Variants in PCDHGA12 observed in about 807,000 individuals in gnomAD.
PCDHGA12 encodes the protein protocadherin gamma subfamily A, 12.
In PCDHGA12, 43 loss-of-function variants were observed where a neutral mutation model predicts 61.1. The observed-to-expected ratio is 0.70, with a 90% CI of 0.55 to 0.91. The LOEUF (loss-of-function observed/expected upper bound fraction) is 0.91, where lower values mean the gene tolerates loss of function less well. Among genes scored for constraint, PCDHGA12 ranks in the 40% least tolerant of loss-of-function variants. The pLI, the probability that PCDHGA12 is intolerant of heterozygous loss-of-function variation, is 0.00. For synonymous variants in PCDHGA12, 520 were observed against 542.9 expected, an observed-to-expected ratio of 0.96 and a Z score of 0.59; for missense variants, 1,236 against 1,227.7, an observed-to-expected ratio of 1.01 and a Z score of -0.10.
In PCDHGA12 at chr5:141,487,762, T is replaced by C; in HGVS notation, c.2425-7045T>C. 6.5e-7 allele frequency: 1 copy of C among 1,545,432 alleles called. No homozygotes were observed. The highest frequency in any genetic ancestry group is 8.8e-7 in the Non-Finnish European group (1 of 1,142,332). ...TAAGAGGTAACTATGTGGTAGACGC[T>C]GTGCTTTGTAACTGTTTCGTGAATT... On this transcript the variant is annotated intron_variant, in intron 1 of 3. Coordinates refer to ENST00000252085, the MANE Select transcript of PCDHGA12 (RefSeq NM_003735.3). The surrounding 1 kb of genome is among the most constrained non-coding windows in gnomAD (Gnocchi z 5.0).
In PCDHGA12 at chr5:141,486,070, T is replaced by G; in HGVS notation, c.2425-8737T>G. The G allele has an allele frequency of 6.2e-7, 1 of 1,614,158 alleles. No individual in the cohort carries two copies. Among genetic ancestry groups the G allele is most frequent in the Non-Finnish European group, 8.5e-7 (1 of 1,180,010 alleles). On this transcript the variant is annotated intron_variant, in intron 1 of 3. Coordinates refer to ENST00000252085, the MANE Select transcript of PCDHGA12 (RefSeq NM_003735.3). This position sits in a 1 kb window ranked among gnomAD's most constrained non-coding sequence, Gnocchi z 5.0. ...ACCTCTTTAGCCTGCACCCCACTAC[T>G]GGAAAGCTTACTCTTTTGGGGCCCC...
Position 141,486,740 on chromosome 5 carries a change from T to G in PCDHGA12, c.2425-8067T>G. Reference sequence around the variant, plus strand: ...AGGAGCTGTTCATGCTACTCGATCCTTTGACTATGAGCAAACCCAGACACT... The same window carrying G: ...AGGAGCTGTTCATGCTACTCGATCCGTTGACTATGAGCAAACCCAGACACT... On this transcript the variant is annotated intron_variant, in intron 1 of 3. Transcript: ENST00000252085. This position sits in a 1 kb window ranked among gnomAD's most constrained non-coding sequence, Gnocchi z 5.0. 6.2e-7 allele frequency: 1 copy of G among 1,614,234 alleles called. No individual in the cohort carries two copies. The highest frequency in any genetic ancestry group is 8.5e-7 in the Non-Finnish European group (1 of 1,180,046).
At chr5:141,503,620 A>C (rs1475731896) in intron 2 of PCDHGA12, among the ~76,000 whole-genome samples, 1 of 152,026 alleles carries the variant, frequency 6.6e-6, no homozygotes, top group East Asian at 1.9e-4. Flanking sequence ...AAAAAGAAAA[A>C]AGAAAAGAAA....
At chr5:141,451,315 T>A (rs2154563546) in intron 1 of PCDHGA12, among the ~76,000 whole-genome samples, 1 of 152,330 alleles carries the variant, frequency 6.6e-6, no homozygotes, top group South Asian at 2.1e-4. Context: ...GCAATTAAAG[T>A]GTCACCTAAG....
Position 141,489,533 on chromosome 5 carries a change from C to G in PCDHGA12, c.2425-5274C>G, listed in dbSNP as rs754586925. The G allele has an allele frequency of 6.2e-7, 1 of 1,614,086 alleles. No individual in the cohort carries two copies. The highest frequency in any genetic ancestry group is 1.7e-5 in the Admixed American group (1 of 60,030). ...ATTGACCGAGAAAGCCTATGTGGAG[C>G]CAGCACCAGCTGCCTGCTGCCAGTG... On this transcript the variant is annotated intron_variant, in intron 1 of 3. Coordinates refer to ENST00000252085, the MANE Select transcript of PCDHGA12 (RefSeq NM_003735.3). The surrounding 1 kb of genome is among the most constrained non-coding windows in gnomAD (Gnocchi z 4.5).
intron 1 of PCDHGA12, among the ~76,000 whole-genome samples, chr5:141,474,096 CAACAAA>C (rs1262341033): frequency 1.3e-5 from 2 of 152,078 alleles, no homozygotes; most frequent in African/African-American, 4.8e-5. Context: ...AAACAAACAA[CAACAAA>C]AACAACAACA....
intron 1 of PCDHGA12, among the ~76,000 whole-genome samples, chr5:141,435,951 G>C (rs371199258): frequency 3.9e-5 from 6 of 152,100 alleles, no homozygotes; most frequent in African/African-American, 1.4e-4. Flanking sequence ...ACCAAAAAAG[G>C]GGGCAAAATA....
chr5:141,470,986 G>T (rs1215610104), intron 1 of PCDHGA12, among the ~76,000 whole-genome samples: 1 of 151,540 alleles, frequency 6.6e-6, no homozygotes, highest in Non-Finnish European at 1.5e-5. Flanking sequence ...CAAAGTGCTG[G>T]GACTACAGGC....
chr5:141,485,549 G>T lies in PCDHGA12; in HGVS notation c.2425-9258G>T. 1 of 1,614,030 alleles carries T rather than the reference G, an allele frequency of 6.2e-7. No homozygotes were observed. Among genetic ancestry groups the T allele is most frequent in the Non-Finnish European group, 8.5e-7 (1 of 1,179,922 alleles). On this transcript the variant is annotated intron_variant, in intron 1 of 3. Coordinates refer to ENST00000252085, the MANE Select transcript of PCDHGA12 (RefSeq NM_003735.3). The surrounding 1 kb of genome is among the most constrained non-coding windows in gnomAD (Gnocchi z 5.7). Reference sequence around the variant, plus strand: ...CCGAGCAGAGGTAGAGATCGTAGATGTGAATGATCACGCCCCCCGTTTTCC... The same window carrying T: ...CCGAGCAGAGGTAGAGATCGTAGATTTGAATGATCACGCCCCCCGTTTTCC...
At chr5:141,462,039 T>A (rs569871892) in intron 1 of PCDHGA12, among the ~76,000 whole-genome samples, 1 of 152,276 alleles carries the variant, frequency 6.6e-6, no homozygotes, top group Non-Finnish European at 1.5e-5. Flanking sequence ...GTCAGGCGGG[T>A]CTTGAACTCC....
rs922668811 is a variant in PCDHGA12 at position 141,432,984 on chromosome 5, G to A, written c.2225G>A (p.Gly742Asp). Residue 742 changes from glycine (G) to aspartate (D), a missense_variant, in exon 1 of 4, where the codon GGC (glycine) becomes GAC (aspartate). Transcript: ENST00000252085. This position sits in a 1 kb window ranked among gnomAD's most constrained non-coding sequence, Gnocchi z 6.0. ...GGAGCGCCGGCGTCGCACTTTGTGG[G>A]CGTGGACGGGGTGCAGGCTTTCCTG... ...LTGAPASHFV[G>D]VDGVQAFLQT... 1.9e-6 allele frequency: 3 copies of A among 1,614,214 alleles called. No individual in the cohort carries two copies. Among genetic ancestry groups the A allele is most frequent in the Admixed American group, 1.7e-5 (1 of 60,028 alleles).
Position 141,491,170 on chromosome 5 carries a change from G to A in PCDHGA12, c.2425-3637G>A. The stretch of plus-strand genomic sequence containing the variant: ...GGAGGATGACTCTGACACCCAGCAG[G>A]TGGTGGTCCTGGTGAGGGACAATGG... On this transcript the variant is annotated intron_variant, in intron 1 of 3. Coordinates refer to ENST00000252085, the MANE Select transcript of PCDHGA12 (RefSeq NM_003735.3). The surrounding 1 kb of genome is among the most constrained non-coding windows in gnomAD (Gnocchi z 6.9). 6.2e-7 allele frequency: 1 copy of A among 1,614,176 alleles called. No individual in the cohort carries two copies. Among genetic ancestry groups the A allele is most frequent in the Non-Finnish European group, 8.5e-7 (1 of 1,179,996 alleles).
intron 1 of PCDHGA12, among the ~76,000 whole-genome samples, chr5:141,482,765 T>C (rs2099572013): frequency 7.9e-6 from 1 of 127,068 alleles, no homozygotes; most frequent in African/African-American, 3.6e-5. Flanking sequence ...TATTTCATTA[T>C]CACTGAACCT....
rs561122870 is a variant in PCDHGA12 at position 141,439,444 on chromosome 5, C to T, written c.2424+6261C>T. On this transcript the variant is annotated intron_variant, in intron 1 of 3. Transcript: ENST00000252085. ...ATAAATTCCCAGGAATATTTTATTG[C>T]GGGAGCAAGACTGCACTGCTGCCTT... Among the ~76,000 whole-genome samples the T allele has an allele frequency of 3.0e-4, 46 of 152,264 alleles. 1 individual carries two copies. The South Asian group carries it at 6.2e-3, about 21-fold the overall frequency.
At chr5:141,459,775 T>C (rs377188083) in intron 1 of PCDHGA12, among the ~76,000 whole-genome samples, 8 of 152,362 alleles carry the variant, frequency 5.3e-5, no homozygotes, top group African/African-American at 1.4e-4. Flanking sequence ...TACTATCTCA[T>C]TGAAGTTTCA....
rs2097718776 is a variant in PCDHGA12, at chr5:141,434,813, T to C, written c.2424+1630T>C. On this transcript the variant is annotated intron_variant, in intron 1 of 3. Coordinates refer to ENST00000252085, the MANE Select transcript of PCDHGA12 (RefSeq NM_003735.3). ...TTTTTTCTGAGCTTGGAGAAATATA[T>C]CCCTTAGTACACTTGGCATTTATAA... Among the ~76,000 whole-genome samples, 5 of 151,962 alleles carry C rather than the reference T, an allele frequency of 3.3e-5. No individual in the cohort carries two copies. In the South Asian group the frequency reaches 1.0e-3, roughly 32 times the overall value.
In PCDHGA12 at chr5:141,485,340, C is replaced by T. The variant is rs139641513; in HGVS notation, c.2425-9467C>T. ...GTCGCTCAAGATTTCCTGCTGGATA[C>T]GGACAGTCTGTCAGCTCGCAGGCTG... is the stretch of plus-strand genomic sequence containing the variant. On this transcript the variant is annotated intron_variant, in intron 1 of 3. Coordinates refer to ENST00000252085, the MANE Select transcript of PCDHGA12 (RefSeq NM_003735.3). This position sits in a 1 kb window ranked among gnomAD's most constrained non-coding sequence, Gnocchi z 5.7. 1.2e-6 allele frequency: 2 copies of T among 1,613,958 alleles called. No individual in the cohort carries two copies. Among genetic ancestry groups the T allele is most frequent in the East Asian group, 2.2e-5 (1 of 44,884 alleles).
intron 2 of PCDHGA12, among the ~76,000 whole-genome samples, chr5:141,495,811 G>A (rs1164360438): frequency 1.3e-5 from 2 of 151,710 alleles, no homozygotes; most frequent in Admixed American, 1.3e-4. Flanking sequence ...GTTTCCTAGC[G>A]CCTTGTGTTC....
At chr5:141,471,215 A>G (rs1562030197) in intron 1 of PCDHGA12, 1 of 149,038 alleles carries the variant, frequency 6.7e-6, no homozygotes, top group Non-Finnish European at 1.5e-5. Context: ...ATGCCTGGCA[A>G]TTTTTTTGTA....
Sources: allele counts gnomAD v4.1 joint callset (sites outside exome capture counted in the v4.1 genomes callset), GRCh38; gene constraint gnomAD v4.1.1; non-coding constraint Gnocchi (gnomAD v3.1); transcripts MANE v1.5; gene names NCBI Gene and HGNC (gene_info 2026-07-23, HGNC 2026-07-21).